The following CLVS1 variants were observed in gnomAD, a reference collection of about 807,000 sequenced individuals.
CLVS1 encodes clavesin-1.
In CLVS1, 10 loss-of-function variants were observed where a neutral mutation model predicts 33.1. The ratio of observed to expected loss-of-function variants is 0.30; its 90% CI spans 0.19 to 0.51. The LOEUF (loss-of-function observed/expected upper bound fraction) is 0.51, where lower values mean the gene tolerates loss of function less well. Among genes scored for constraint, CLVS1 ranks in the 20% least tolerant of loss-of-function variants. CLVS1 has a pLI of 0.97. For synonymous variants in CLVS1, 163 were observed against 166.1 expected, an observed-to-expected ratio of 0.98 and a Z score of 0.14; for missense variants, 343 against 433.4, an observed-to-expected ratio of 0.79 and a Z score of 1.85.
intron 1 of CLVS1, 136 bp downstream of exon 1, chr8:61,288,274 A>G (rs1455812648): frequency 2.2e-6 from 1 of 456,128 alleles, no homozygotes; most frequent in Non-Finnish European, 4.4e-6. Context: ...TCTGCACTCC[A>G]TCCCTCCCGC....
At chr8:61,224,913 C>T (rs892518870) in intron 2 of CLVS1, among the ~76,000 whole-genome samples, 2 of 152,170 alleles carry the variant, frequency 1.3e-5, no homozygotes, top group African/African-American at 4.8e-5. Flanking sequence ...GAATTTCTAA[C>T]CCTCTAAGTG....
At chr8:61,093,687 T>C (rs1418619262) in intron 1 of CLVS1, among the ~76,000 whole-genome samples, 2 of 152,214 alleles carry the variant, frequency 1.3e-5, no homozygotes, top group African/African-American at 4.8e-5. Flanking sequence ...CTGATCTTCG[T>C]TGACTTTTCT....
chr8:61,392,201 G>A (rs980518995), intron 3 of CLVS1, among the ~76,000 whole-genome samples: 3 of 152,108 alleles, frequency 2.0e-5, no homozygotes, highest in Non-Finnish European at 4.4e-5. Context: ...GCATGGTGGT[G>A]CAGGTCTATA....
At chr8:61,186,172 G>T (rs759149054) in intron 2 of CLVS1, among the ~76,000 whole-genome samples, 1 of 152,134 alleles carries the variant, frequency 6.6e-6, no homozygotes, top group South Asian at 2.1e-4. Flanking sequence ...TACGCAGATA[G>T]GTTAACTTAT....
chr8:61,076,165 T>A (rs2129281465), intron 1 of CLVS1, among the ~76,000 whole-genome samples: 1 of 152,330 alleles, frequency 6.6e-6, no homozygotes, highest in East Asian at 1.9e-4. Flanking sequence ...TTATTCTTTC[T>A]CTCTCCCTCC....
At chr8:61,212,223 T>C (rs1334104284) in intron 2 of CLVS1, among the ~76,000 whole-genome samples, 1 of 152,120 alleles carries the variant, frequency 6.6e-6, no homozygotes, top group Non-Finnish European at 1.5e-5. Flanking sequence ...GGCTGCAGCG[T>C]CTGGGGAGGA....
intron 2 of CLVS1, among the ~76,000 whole-genome samples, chr8:61,166,276 C>T (rs189021541): frequency 1.9e-3 from 284 of 152,064 alleles, no homozygotes; most frequent in Non-Finnish European, 2.3e-3. Flanking sequence ...TACAGGCACC[C>T]GCCATCATGC....
intron 2 of CLVS1, among the ~76,000 whole-genome samples, chr8:61,194,240 C>G (rs1807555497): frequency 6.6e-6 from 1 of 151,886 alleles, no homozygotes; most frequent in African/African-American, 2.4e-5. Flanking sequence ...ACTAGATGCT[C>G]CAGTTAAAAT....
intron 2 of CLVS1, among the ~76,000 whole-genome samples, chr8:61,232,664 A>C (rs1808472274): frequency 6.6e-6 from 1 of 152,206 alleles, no homozygotes; most frequent in Non-Finnish European, 1.5e-5. Context: ...ATATTCATAA[A>C]TCTAGAAACT....
At position 61,331,460 on chromosome 8, in the gene CLVS1, TTTA is replaced by T. The variant is rs776818479; in HGVS notation, c.455+31196_455+31198del. On this transcript the variant is annotated intron_variant, in intron 2 of 5. Transcript: ENST00000325897. ...ATTCCCTCCTCCATTTTCCCTGGGC[TTTA>T]TTATTATTATTATTATTTTTAACTT... Among the ~76,000 whole-genome samples, 381 of 151,768 alleles carry T rather than the reference TTTA, an allele frequency of 2.5e-3. 1 individual carries two copies. The highest frequency in any genetic ancestry group is 3.8e-3 in the Non-Finnish European group (261 of 67,906).
chr8:61,435,372 A>G (rs1439757367), intron 3 of CLVS1, among the ~76,000 whole-genome samples: 1 of 152,134 alleles, frequency 6.6e-6, no homozygotes, highest in Non-Finnish European at 1.5e-5. Flanking sequence ...AAAAGATTTT[A>G]GCCATTTGTA....
Position 61,368,117 on chromosome 8 carries a change from A to C in CLVS1, c.456-8488A>C, listed in dbSNP as rs1813289289. On this transcript the variant is annotated intron_variant, in intron 2 of 5. Transcript: ENST00000325897. Reference sequence around the variant, plus strand: ...ATGTTGGTTTTTATTTATTCAAACCACTGCTTTATTTAAATCAAAGAACTA... The same window carrying C: ...ATGTTGGTTTTTATTTATTCAAACCCCTGCTTTATTTAAATCAAAGAACTA... Among the ~76,000 whole-genome samples the C allele has an allele frequency of 2.6e-5, 4 of 152,264 alleles. No homozygotes were observed. In the South Asian group the frequency reaches 8.3e-4, roughly 31 times the overall value.
upstream of CLVS1, among the ~76,000 whole-genome samples, chr8:61,052,502 CAT>C (rs1804402200): frequency 1.9e-5 from 1 of 53,624 alleles, no homozygotes; most frequent in African/African-American, 7.6e-5. Context: ...GGGAGGGAGT[CAT>C]GCCGAGATCT....
At chr8:61,039,585 C>T in the CLVS1 span, among the ~76,000 whole-genome samples, 1 of 152,218 alleles carries the variant, frequency 6.6e-6, no homozygotes, top group Non-Finnish European at 1.5e-5. Flanking sequence ...GTCTGTCACC[C>T]AGGCTGGAGT....
chr8:61,436,976 A>G (rs73685030), intron 3 of CLVS1, among the ~76,000 whole-genome samples: 3,643 of 152,320 alleles, frequency 0.024, 128 homozygotes, highest in African/African-American at 0.082. Flanking sequence ...GGGGAAGGGA[A>G]GTAGGGAAAT....
intron 2 of CLVS1, among the ~76,000 whole-genome samples, chr8:61,320,327 A>G (rs1211609668): frequency 6.6e-6 from 1 of 151,970 alleles, no homozygotes; most frequent in Non-Finnish European, 1.5e-5. Flanking sequence ...TTTGCTGTAT[A>G]CATTTTATTT....
chr8:61,301,159 A>G (rs189969814), intron 2 of CLVS1: 1 of 152,360 alleles, frequency 6.6e-6, no homozygotes. Flanking sequence ...CTGCAAAGCT[A>G]TCGAAATAAA....
chr8:61,174,436 AAAACAAACAAACAAAC>A (rs144200333), intron 2 of CLVS1, among the ~76,000 whole-genome samples: 5 of 150,562 alleles, frequency 3.3e-5, no homozygotes, highest in Non-Finnish European at 5.9e-5. Context: ...ACTGTCTCAA[AAAACAAACAAACAAAC>A]AAACAAACAA....
chr8:61,297,591 A>T (rs1810263532), intron 1 of CLVS1, among the ~76,000 whole-genome samples: 1 of 152,116 alleles, frequency 6.6e-6, no homozygotes, highest in Non-Finnish European at 1.5e-5. Flanking sequence ...GAACAGATCG[A>T]GTTTGTGTTG....
Sources: allele counts gnomAD v4.1 joint callset (sites outside exome capture counted in the v4.1 genomes callset), GRCh38; gene constraint gnomAD v4.1.1; transcripts MANE v1.5; gene names NCBI Gene and HGNC (gene_info 2026-07-23, HGNC 2026-07-21).